AVEN: variants seen among roughly 807,000 people sequenced by gnomAD.
AVEN encodes the protein cell death regulator Aven.
Under a neutral mutation model 38.1 loss-of-function variants are expected in AVEN, and 41 were observed. That is an observed-to-expected ratio of 1.08 (90% CI 0.84 to 1.40). The LOEUF (loss-of-function observed/expected upper bound fraction) is 1.40. Among genes scored for constraint, AVEN ranks in the 40% most tolerant of loss-of-function variants. The probability of loss-of-function intolerance (pLI) is 0.00; values close to 1 mark genes in which losing one functional copy is unlikely to be tolerated. For missense variants in AVEN, 605 were observed against 438.8 expected (o/e 1.38, Z -3.38); for synonymous variants, 206 against 171.8 (o/e 1.20, Z -1.56).
At chr15:33,901,245 C>T (rs987589843) in intron 2 of AVEN, among the ~76,000 whole-genome samples, 3 of 152,020 alleles carry the variant, frequency 2.0e-5, no homozygotes, top group Non-Finnish European at 4.4e-5. Flanking sequence ...CCAGCCTGGG[C>T]GACAGAGCAA....
chr15:34,038,567 G>C (rs1899269885), intron 1 of AVEN, among the ~76,000 whole-genome samples: 1 of 151,526 alleles, frequency 6.6e-6, no homozygotes, highest in Non-Finnish European at 1.5e-5. Context: ...CGCCAGCCCG[G>C]CCAGGAGGCC....
At chr15:33,984,397 T>A (rs541707956) in intron 2 of AVEN, among the ~76,000 whole-genome samples, 1 of 137,140 alleles carries the variant, frequency 7.3e-6, no homozygotes, top group African/African-American at 2.9e-5. Context: ...TAGAATAGAT[T>A]GATGGTAGGG....
intron 2 of AVEN, chr15:33,972,643 G>C (rs1282583958): frequency 6.6e-6 from 1 of 152,198 alleles, no homozygotes; most frequent in Non-Finnish European, 1.5e-5. Flanking sequence ...TAAATCAGGA[G>C]TTAGGGTTCA....
upstream of AVEN, among the ~76,000 whole-genome samples, chr15:34,042,180 A>G (rs576972703): frequency 1.6e-4 from 25 of 152,312 alleles, no homozygotes; most frequent in Non-Finnish European, 3.2e-4. Flanking sequence ...TTTGGATTGC[A>G]TAAATAACAA....
chr15:33,857,986 G>T, downstream of AVEN: 1 of 1,590,082 alleles, frequency 6.3e-7, no homozygotes, highest in East Asian at 2.2e-5. Context: ...TCACTGGGAA[G>T]AAGGGCTGTG....
chr15:33,985,799 CTTTT>C (rs924540323), intron 2 of AVEN, among the ~76,000 whole-genome samples: 4 of 152,096 alleles, frequency 2.6e-5, no homozygotes, highest in African/African-American at 4.8e-5. Context: ...GTCACTTAAT[CTTTT>C]TAAGCTTCAT....
intron 1 of AVEN, among the ~76,000 whole-genome samples, chr15:34,032,008 C>G (rs547107410): frequency 1.7e-5 from 2 of 116,786 alleles, no homozygotes; most frequent in African/African-American, 5.4e-5. Context: ...TCAACACACA[C>G]ATACGCGCGC....
intron 1 of AVEN, among the ~76,000 whole-genome samples, chr15:34,017,491 T>TG (rs1567469656): frequency 1.1e-5 from 1 of 87,236 alleles, no homozygotes; most frequent in Non-Finnish European, 3.4e-5. Flanking sequence ...TTTGTTTTTT[T>TG]TTTTTTTTTG....
Position 33,899,618 on chromosome 15 carries a change from G to A in AVEN, c.446-23623C>T, listed in dbSNP as rs373939106. On this transcript the variant is annotated intron_variant, in intron 2 of 5. Coordinates refer to ENST00000306730, the MANE Select transcript of AVEN (RefSeq NM_020371.3). ...CGAGTAGCTGGAACTACAGGCGCCC[G>A]TCACCAAGCCCAGCTGATTTTTTAT... 7.7e-5 allele frequency among the ~76,000 whole-genome samples: 11 copies of A among 142,370 alleles called. No individual in the cohort carries two copies. In the East Asian group the frequency reaches 1.7e-3, roughly 21 times the overall value. 93.4% of individuals were successfully genotyped at this position (142,370 alleles called of 152,430 possible).
chr15:34,013,520 A>G (rs1373002340), intron 1 of AVEN, among the ~76,000 whole-genome samples: 1 of 152,180 alleles, frequency 6.6e-6, no homozygotes, highest in African/African-American at 2.4e-5. Flanking sequence ...TTGCACCACT[A>G]AATTGCCAAT....
chr15:34,039,157 A>G lies in AVEN; in HGVS notation c.-111T>C. On this transcript the variant is annotated 5_prime_UTR_variant, in exon 1 of 6. Transcript: ENST00000306730. Reference sequence around the variant, plus strand: ...GAGCCGCGAGCGAAAGGCGCCCGGTAGCAGCGAGGCGCGGGGTGCGGGGCT... The same window carrying G: ...GAGCCGCGAGCGAAAGGCGCCCGGTGGCAGCGAGGCGCGGGGTGCGGGGCT... The G allele has an allele frequency of 1.1e-6, 1 of 924,300 alleles. No homozygotes were observed. The highest frequency in any genetic ancestry group is 1.3e-6 in the Non-Finnish European group (1 of 763,866). 57.3% of individuals were successfully genotyped at this position (924,300 alleles called of 1,614,324 possible).
chr15:33,870,930 T>C lies in AVEN; in HGVS notation c.612+5A>G. 6.2e-7 allele frequency: 1 copy of C among 1,609,322 alleles called. No individual in the cohort carries two copies. Among genetic ancestry groups the C allele is most frequent in the Non-Finnish European group, 8.5e-7 (1 of 1,176,956 alleles). The stretch of plus-strand genomic sequence containing the variant: ...CCCGCTTCAAGAGGGCTTCGGGATT[T>C]TTACCTGGACCAGTTCGGCAGCAAC... On this transcript the variant is annotated splice_donor_5th_base_variant and intron_variant, in intron 4 of 5. Transcript: ENST00000306730.
chr15:33,993,445 GAAAC>G (rs1349191221), intron 2 of AVEN, among the ~76,000 whole-genome samples: 1 of 152,214 alleles, frequency 6.6e-6, no homozygotes. Flanking sequence ...TCAGTGGTCA[GAAAC>G]AAACAGAGCA....
chr15:34,034,186 TA>T (rs1195023406), intron 1 of AVEN, among the ~76,000 whole-genome samples: 2 of 152,190 alleles, frequency 1.3e-5, no homozygotes, highest in African/African-American at 4.8e-5. Flanking sequence ...CTCACATCTG[TA>T]ACCCCAGCAC....
At chr15:33,946,864 G>C (rs1419374046) in intron 2 of AVEN, among the ~76,000 whole-genome samples, 1 of 152,112 alleles carries the variant, frequency 6.6e-6, no homozygotes, top group Non-Finnish European at 1.5e-5. Flanking sequence ...GTCACAGGAG[G>C]AGCAATCTGA....
Position 33,867,575 on chromosome 15 carries a change from T to C in AVEN, c.893A>G (p.Glu298Gly). 2 of 1,614,210 alleles carry C rather than the reference T, an allele frequency of 1.2e-6. No homozygotes were observed. The highest frequency in any genetic ancestry group is 1.7e-6 in the Non-Finnish European group (2 of 1,180,032). The change falls in exon 5 of 6, where the codon GAG becomes GGG. Residue 298 changes from glutamate to glycine, a missense_variant. Physicochemically the swap from Glu to Gly is moderately conservative, Grantham distance 98. Transcript: ENST00000306730. ...CTGATCTGGTAAGATGTTATCTCCCTCTTTTATAGGTGCATCTAAATTAAG... is the reference window on the plus strand; with the variant it reads ...CTGATCTGGTAAGATGTTATCTCCCCCTTTTATAGGTGCATCTAAATTAAG... ...LLLNLDAPIKEGDNILPDQTS... is the reference protein window; with the variant it reads ...LLLNLDAPIKGGDNILPDQTS...
At chr15:34,069,352 T>G (rs1000008054) in intron 2 of AVEN, among the ~76,000 whole-genome samples, 1 of 150,688 alleles carries the variant, frequency 6.6e-6, no homozygotes, top group Admixed American at 6.6e-5. Context: ...CCTGGGAGGC[T>G]GAGGCAGGAG....
At chr15:34,044,096 GAA>G (rs769916088), upstream of AVEN, among the ~76,000 whole-genome samples, 4 of 129,108 alleles carry the variant, frequency 3.1e-5, no homozygotes, top group African/African-American at 1.1e-4. Flanking sequence ...TAAAAAAAAT[GAA>G]AAAAAAAAAA....
chr15:33,993,026 G>A (rs1050579124), intron 2 of AVEN, among the ~76,000 whole-genome samples: 5 of 151,988 alleles, frequency 3.3e-5, no homozygotes, highest in African/African-American at 4.8e-5. Context: ...TTTTCCCCAC[G>A]TTTTCTTCAA....
Sources: gnomAD v4.1 joint callset for allele counts (sites outside exome capture counted in the v4.1 genomes callset) on GRCh38, gnomAD v4.1.1 for gene constraint, MANE v1.5 for transcripts, NCBI Gene and HGNC (gene_info 2026-07-23, HGNC 2026-07-21) for gene names.